CHCHD6: variants seen among roughly 807,000 people sequenced by gnomAD.
The protein encoded by CHCHD6 is MICOS complex subunit MIC25.
CHCHD6 carries 28 observed loss-of-function variants against 32.3 expected under a neutral mutation model. That is an observed-to-expected ratio of 0.87 (90% CI 0.64 to 1.19). The LOEUF (loss-of-function observed/expected upper bound fraction) is 1.19. Among genes scored for constraint, CHCHD6 ranks in the 50% most tolerant of loss-of-function variants. The pLI is 0.00. For missense variants in CHCHD6, 333 were observed against 307.0 expected, an observed-to-expected ratio of 1.08 and a Z score of -0.63; for synonymous variants, 122 against 117.5, an observed-to-expected ratio of 1.04 and a Z score of -0.25.
At chr3:126,865,202 T>TCC (rs1942247045) in intron 5 of CHCHD6, among the ~76,000 whole-genome samples, 1 of 103,580 alleles carries the variant, frequency 9.7e-6, no homozygotes, top group African/African-American at 3.7e-5. Flanking sequence ...CCTCCACTTC[T>TCC]TCCTCCTCCT....
At chr3:126,946,383 G>A (rs1234594604) in intron 6 of CHCHD6, among the ~76,000 whole-genome samples, 3 of 152,118 alleles carry the variant, frequency 2.0e-5, no homozygotes, top group Non-Finnish European at 4.4e-5. Context: ...TCTTCTTTCC[G>A]TGTGTGTGAG....
At chr3:126,718,316 T>G (rs1159564061) in intron 1 of CHCHD6, among the ~76,000 whole-genome samples, 3 of 152,248 alleles carry the variant, frequency 2.0e-5, no homozygotes, top group Non-Finnish European at 4.4e-5. Context: ...CACTTTGCAG[T>G]TTTCACTTAA....
At chr3:126,959,463 C>T (rs964576479) in intron 7 of CHCHD6, among the ~76,000 whole-genome samples, 1 of 152,246 alleles carries the variant, frequency 6.6e-6, no homozygotes, top group African/African-American at 2.4e-5. Context: ...CACCACCCTT[C>T]GCCAGCCTTC....
intron 4 of CHCHD6, among the ~76,000 whole-genome samples, chr3:126,758,318 A>C (rs1937038234): frequency 6.6e-6 from 1 of 151,842 alleles, no homozygotes; most frequent in Non-Finnish European, 1.5e-5. Context: ...AACCATATCC[A>C]CCTCCTCATG....
intron 4 of CHCHD6, among the ~76,000 whole-genome samples, chr3:126,787,164 G>A (rs1938258165): frequency 6.6e-6 from 1 of 152,152 alleles, no homozygotes; most frequent in Non-Finnish European, 1.5e-5. Flanking sequence ...TGAGGGCTCT[G>A]TTCTGTTCCA....
intron 4 of CHCHD6, among the ~76,000 whole-genome samples, chr3:126,848,222 C>T (rs1479985634): frequency 6.6e-6 from 1 of 152,140 alleles, no homozygotes; most frequent in African/African-American, 2.4e-5. Flanking sequence ...GCAATCCTCC[C>T]GACTTTTTAT....
intron 4 of CHCHD6, among the ~76,000 whole-genome samples, chr3:126,794,531 C>A (rs1200193328): frequency 2.0e-5 from 3 of 151,496 alleles, no homozygotes; most frequent in Admixed American, 2.0e-4. Context: ...AAATTGGGTT[C>A]ATTTCCTATT....
At chr3:126,938,321 C>T (rs1158403353) in intron 6 of CHCHD6, among the ~76,000 whole-genome samples, 5 of 152,182 alleles carry the variant, frequency 3.3e-5, no homozygotes, top group South Asian at 2.1e-4. Flanking sequence ...ACTGTGCGTT[C>T]GTTCTGTGCC....
At chr3:126,713,410 G>A (rs1934854508) in intron 1 of CHCHD6, among the ~76,000 whole-genome samples, 2 of 152,212 alleles carry the variant, frequency 1.3e-5, no homozygotes, top group South Asian at 4.2e-4. Flanking sequence ...GCATGTTTCC[G>A]GGCCTGGCTC....
chr3:126,739,423 A>C (rs1936195213), intron 4 of CHCHD6, among the ~76,000 whole-genome samples: 1 of 152,202 alleles, frequency 6.6e-6, no homozygotes, highest in African/African-American at 2.4e-5. Flanking sequence ...GAGACTGTGT[A>C]CTGGATTTGA....
Position 126,878,439 on chromosome 3 carries a change from G to A in CHCHD6, c.495+25709G>A, listed in dbSNP as rs578160556. Among the ~76,000 whole-genome samples the A allele has an allele frequency of 5.3e-5, 8 of 152,324 alleles. No individual in the cohort carries two copies. The East Asian group carries it at 7.7e-4, about 15-fold the overall frequency. ...GAATGATGGCAGTATGTGAGTCCAC[G>A]TACCACTGAGGATCCAGCCTGAAAG... On this transcript the variant is annotated intron_variant, in intron 5 of 7. Transcript: ENST00000290913.
intron 5 of CHCHD6, among the ~76,000 whole-genome samples, chr3:126,895,519 T>C (rs1280823956): frequency 6.6e-6 from 1 of 152,234 alleles, no homozygotes; most frequent in Non-Finnish European, 1.5e-5. Flanking sequence ...TGGGTGGAAA[T>C]GTCATTTGGG....
chr3:126,927,267 G>T (rs982205764), intron 6 of CHCHD6, among the ~76,000 whole-genome samples: 1 of 152,206 alleles, frequency 6.6e-6, no homozygotes, highest in African/African-American at 2.4e-5. Context: ...CTGAACATGA[G>T]CATCAGGAGC....
intron 4 of CHCHD6, among the ~76,000 whole-genome samples, chr3:126,826,515 G>A (rs892940812): frequency 1.3e-5 from 2 of 152,162 alleles, no homozygotes; most frequent in African/African-American, 2.4e-5. Flanking sequence ...TGTGTGAGGA[G>A]ACACTAATAG....
At chr3:126,932,608 G>A (rs1198393069) in intron 6 of CHCHD6, among the ~76,000 whole-genome samples, 3 of 152,236 alleles carry the variant, frequency 2.0e-5, no homozygotes, top group African/African-American at 7.2e-5. Context: ...TGGGCGACCA[G>A]CAGCCCTGCA....
At chr3:126,918,320 A>G (rs187328623) in intron 6 of CHCHD6, among the ~76,000 whole-genome samples, 3 of 152,320 alleles carry the variant, frequency 2.0e-5, no homozygotes, top group Admixed American at 2.0e-4. Flanking sequence ...AACTGCTTAG[A>G]TGGTAAACTA....
intron 4 of CHCHD6, among the ~76,000 whole-genome samples, chr3:126,842,005 T>C (rs901802948): frequency 6.6e-6 from 1 of 152,084 alleles, no homozygotes. Context: ...TCCCAACACT[T>C]TGGGAGGCCT....
chr3:126,860,567 C>T (rs1941825132), intron 5 of CHCHD6, among the ~76,000 whole-genome samples: 1 of 152,094 alleles, frequency 6.6e-6, no homozygotes, highest in Non-Finnish European at 1.5e-5. Flanking sequence ...GCATGTTGTG[C>T]ACATATACCC....
At chr3:126,760,643 G>T (rs1453979096) in intron 4 of CHCHD6, among the ~76,000 whole-genome samples, 1 of 152,126 alleles carries the variant, frequency 6.6e-6, no homozygotes, top group Non-Finnish European at 1.5e-5. Flanking sequence ...TACCTTCAAG[G>T]TTTATCCGTG....
Sources: allele counts gnomAD v4.1 joint callset (sites outside exome capture counted in the v4.1 genomes callset), GRCh38; gene constraint gnomAD v4.1.1; transcripts MANE v1.5; gene names NCBI Gene and HGNC (gene_info 2026-07-23, HGNC 2026-07-21).